Variants in RBFOX1 observed in about 807,000 individuals in gnomAD.
RBFOX1 encodes RNA binding protein fox-1 homolog 1.
Under a neutral mutation model 57.7 loss-of-function variants are expected in RBFOX1, and 8 were observed. That is an observed-to-expected ratio of 0.14 (90% CI 0.08 to 0.25). The LOEUF (loss-of-function observed/expected upper bound fraction) is 0.25, where lower values mean the gene tolerates loss of function less well. Ranked by LOEUF, RBFOX1 falls within the 10% of genes least tolerant of loss-of-function variation. RBFOX1 has a pLI of 1.00. For missense variants in RBFOX1, 611 were observed against 548.5 expected (o/e 1.11, Z -1.14); for synonymous variants, 326 against 222.4 (o/e 1.47, Z -4.15).
chr16:7,262,263 G>A (rs1476267096), intron 4 of RBFOX1, among the ~76,000 whole-genome samples: 2 of 151,574 alleles, frequency 1.3e-5, no homozygotes, highest in Non-Finnish European at 2.9e-5. Flanking sequence ...TATGGTTGCT[G>A]TTGTTAAATC....
At chr16:5,280,713 T>C (rs2063250435) in intron 1 of RBFOX1, among the ~76,000 whole-genome samples, 1 of 152,186 alleles carries the variant, frequency 6.6e-6, no homozygotes, top group Non-Finnish European at 1.5e-5. Context: ...TTCCAATTTG[T>C]TAGCATATGG....
intron 1 of RBFOX1, among the ~76,000 whole-genome samples, chr16:6,219,651 G>C (rs111695535): frequency 3.9e-4 from 59 of 152,116 alleles, no homozygotes; most frequent in African/African-American, 1.4e-3. Flanking sequence ...GAGGTGGGCA[G>C]ATCACTTGAG....
At chr16:7,285,751 GA>G (rs1301345030) in intron 4 of RBFOX1, among the ~76,000 whole-genome samples, 8 of 152,146 alleles carry the variant, frequency 5.3e-5, no homozygotes, top group African/African-American at 1.9e-4. Flanking sequence ...CCATGGTATG[GA>G]TGTACCACAG....
At chr16:6,623,604 C>T (rs1048500636) in intron 2 of RBFOX1, among the ~76,000 whole-genome samples, 1 of 151,964 alleles carries the variant, frequency 6.6e-6, no homozygotes, top group East Asian at 1.9e-4. Context: ...TGCCCCACAC[C>T]CCACAACAGG....
chr16:5,570,392 TGG>T (rs2046240495), intron 2 of RBFOX1, among the ~76,000 whole-genome samples: 2 of 152,176 alleles, frequency 1.3e-5, no homozygotes, highest in African/African-American at 4.8e-5. Context: ...AGTTAGTGTA[TGG>T]GACTCATTCA....
At chr16:6,857,692 G>T (rs949164001) in intron 3 of RBFOX1, among the ~76,000 whole-genome samples, 8 of 152,198 alleles carry the variant, frequency 5.3e-5, no homozygotes, top group Non-Finnish European at 1.2e-4. Context: ...AGCTAACGGA[G>T]TGTATCAGTT....
intron 3 of RBFOX1, among the ~76,000 whole-genome samples, chr16:5,680,377 C>A (rs1468682051): frequency 6.6e-6 from 1 of 152,168 alleles, no homozygotes; most frequent in East Asian, 1.9e-4. Flanking sequence ...AATTTCAGAT[C>A]TCTCTTTTCA....
At chr16:6,287,615 T>C (rs1466143862) in intron 1 of RBFOX1, among the ~76,000 whole-genome samples, 1 of 152,122 alleles carries the variant, frequency 6.6e-6, no homozygotes, top group Non-Finnish European at 1.5e-5. Flanking sequence ...AATGACTAAA[T>C]GTGTAATCAG....
intron 1 of RBFOX1, among the ~76,000 whole-genome samples, chr16:6,160,697 A>G (rs2096871712): frequency 6.6e-6 from 1 of 152,146 alleles, no homozygotes; most frequent in Non-Finnish European, 1.5e-5. Flanking sequence ...AAGGCTCTGC[A>G]TAACCTGGTA....
Position 7,679,025 on chromosome 16 carries a change from A to G in RBFOX1, c.995+2187A>G, listed in dbSNP as rs557983401. On this transcript the variant is annotated intron_variant, in intron 14 of 15. Coordinates refer to ENST00000550418, the MANE Select transcript of RBFOX1 (RefSeq NM_018723.4). ...GTCTTCTTGGTTGCTGTGGAAATTG[A>G]TAACTATTCCTATTTAACTTTATCA... 8.5e-5 allele frequency among the ~76,000 whole-genome samples: 13 copies of G among 152,340 alleles called. No individual in the cohort carries two copies. The South Asian group carries it at 2.7e-3, about 32-fold the overall frequency.
At chr16:6,612,234 C>G (rs1243936344) in intron 2 of RBFOX1, among the ~76,000 whole-genome samples, 1 of 152,208 alleles carries the variant, frequency 6.6e-6, no homozygotes, top group East Asian at 1.9e-4. Flanking sequence ...CTAGTATACT[C>G]TTGACCAATA....
chr16:6,303,854 A>G (rs1203578040), intron 1 of RBFOX1, among the ~76,000 whole-genome samples: 1 of 121,644 alleles, frequency 8.2e-6, no homozygotes, highest in African/African-American at 3.0e-5. Context: ...CTGTGTCACC[A>G]ATGCTGGAGT....
intron 2 of RBFOX1, among the ~76,000 whole-genome samples, chr16:6,420,645 T>A (rs1336471335): frequency 6.6e-6 from 1 of 152,164 alleles, no homozygotes; most frequent in Non-Finnish European, 1.5e-5. Flanking sequence ...CGTTTCTCAT[T>A]TTTAGTGTAT....
At chr16:5,246,800 A>G (rs1046991947) in intron 1 of RBFOX1, among the ~76,000 whole-genome samples, 3 of 151,532 alleles carry the variant, frequency 2.0e-5, no homozygotes, top group African/African-American at 4.9e-5. Flanking sequence ...CCTCCTGAGT[A>G]TCTGGGAGTA....
chr16:6,564,703 G>A (rs924168625), intron 2 of RBFOX1, among the ~76,000 whole-genome samples: 1 of 152,118 alleles, frequency 6.6e-6, no homozygotes, highest in East Asian at 1.9e-4. Context: ...AGATGAACAG[G>A]TTCTGAGGAT....
intron 4 of RBFOX1, among the ~76,000 whole-genome samples, chr16:7,344,497 G>T (rs1379492472): frequency 1.3e-5 from 2 of 150,228 alleles, no homozygotes; most frequent in African/African-American, 4.9e-5. Context: ...ATAGTTATAG[G>T]ATAATTATAT....
chr16:6,498,809 C>G (rs1854161213), intron 2 of RBFOX1, among the ~76,000 whole-genome samples: 1 of 152,108 alleles, frequency 6.6e-6, no homozygotes, highest in African/African-American at 2.4e-5. Flanking sequence ...GTTATTCCCA[C>G]CTGCTAGTTC....
chr16:6,527,305 G>A (rs1161721496), intron 2 of RBFOX1, among the ~76,000 whole-genome samples: 2 of 151,864 alleles, frequency 1.3e-5, no homozygotes, highest in South Asian at 4.2e-4. Flanking sequence ...TGATATCTTA[G>A]GTATATACTA....
At chr16:7,084,967 T>G (rs1293356004) in intron 4 of RBFOX1, among the ~76,000 whole-genome samples, 2 of 152,266 alleles carry the variant, frequency 1.3e-5, no homozygotes, top group East Asian at 3.9e-4. Flanking sequence ...TGTATCTGTC[T>G]GTCTGTCTGT....
Sources: gnomAD v4.1 joint callset for allele counts (sites outside exome capture counted in the v4.1 genomes callset) on GRCh38, gnomAD v4.1.1 for gene constraint, MANE v1.5 for transcripts, NCBI Gene and HGNC (gene_info 2026-07-23, HGNC 2026-07-21) for gene names.